The following DACH1 variants were observed in gnomAD, a reference collection of about 807,000 sequenced individuals.
DACH1 encodes the protein dachshund homolog 1.
A neutral mutation model predicts 54.2 loss-of-function variants in DACH1; 12 were observed. That is an observed-to-expected ratio of 0.22 (90% CI 0.14 to 0.36). The LOEUF is 0.36. Ranked by LOEUF, DACH1 falls within the 10% of genes least tolerant of loss-of-function variation. The pLI, the probability that DACH1 is intolerant of heterozygous loss-of-function variation, is 1.00. For synonymous variants in DACH1, 386 were observed against 366.2 expected (o/e 1.05, Z -0.62); for missense variants, 805 against 929.8 (o/e 0.87, Z 1.75).
intron 1 of DACH1, among the ~76,000 whole-genome samples, chr13:71,810,067 C>A (rs191089407): frequency 1.0e-3 from 158 of 152,200 alleles, no homozygotes; most frequent in African/African-American, 3.7e-3. Context: ...AAAGAGAAAG[C>A]TGATTTTGAA....
intron 2 of DACH1, among the ~76,000 whole-genome samples, chr13:71,677,498 G>A (rs1047866013): frequency 9.9e-5 from 15 of 152,018 alleles, no homozygotes; most frequent in Admixed American, 3.9e-4. Flanking sequence ...CTCAAAGTTT[G>A]TTGTTTTGTT....
intron 3 of DACH1, among the ~76,000 whole-genome samples, chr13:71,584,027 G>T (rs944370383): frequency 6.6e-6 from 1 of 151,982 alleles, no homozygotes; most frequent in East Asian, 1.9e-4. Context: ...CTTTTTGCCT[G>T]TTCTACCACA....
At chr13:71,485,515 A>AT (rs1029236493) in intron 7 of DACH1, among the ~76,000 whole-genome samples, 55 of 136,500 alleles carry the variant, frequency 4.0e-4, no homozygotes, top group Non-Finnish European at 7.2e-4. Flanking sequence ...TCAACATAGG[A>AT]TTTTTTTTAC....
At chr13:71,652,707 A>G (rs1878769324) in intron 2 of DACH1, among the ~76,000 whole-genome samples, 1 of 152,076 alleles carries the variant, frequency 6.6e-6, no homozygotes, top group African/African-American at 2.4e-5. Context: ...CAGATATCTC[A>G]ACTATAGCTA....
chr13:71,816,505 A>G (rs1365991124), intron 1 of DACH1, among the ~76,000 whole-genome samples: 3 of 151,244 alleles, frequency 2.0e-5, no homozygotes, highest in African/African-American at 7.3e-5. Context: ...GAATCAACCT[A>G]AATGTCCATC....
At chr13:71,550,433 A>G (rs973053865) in intron 6 of DACH1, among the ~76,000 whole-genome samples, 3 of 152,180 alleles carry the variant, frequency 2.0e-5, no homozygotes, top group Non-Finnish European at 2.9e-5. Flanking sequence ...AAGGAAAGAA[A>G]CAGAAATCAT....
chr13:71,591,904 G>T (rs1593949690), intron 3 of DACH1, among the ~76,000 whole-genome samples: 1 of 152,042 alleles, frequency 6.6e-6, no homozygotes. Flanking sequence ...TTGTATCACT[G>T]CCATGCCAAA....
At chr13:71,447,445 A>G (rs1261213370) in intron 10 of DACH1, among the ~76,000 whole-genome samples, 1 of 152,208 alleles carries the variant, frequency 6.6e-6, no homozygotes, top group Non-Finnish European at 1.5e-5. Flanking sequence ...TAATACATAT[A>G]GACAGATGTG....
At position 71,611,673 on chromosome 13, in the gene DACH1, T is replaced by C. The variant is rs537333331; in HGVS notation, c.1126+18883A>G. 3.9e-5 allele frequency among the ~76,000 whole-genome samples: 6 copies of C among 152,340 alleles called. No homozygotes were observed. In the South Asian group the frequency reaches 1.2e-3, roughly 32 times the overall value. On this transcript the variant is annotated intron_variant, in intron 3 of 10. Transcript: ENST00000613252. The stretch of plus-strand genomic sequence containing the variant: ...TGTATTGCTTCATTTATTTTTTCTA[T>C]ACCAGCAATGTAAATTTTCAGATTT...
intron 10 of DACH1, among the ~76,000 whole-genome samples, chr13:71,449,846 AG>A (rs1874857285): frequency 6.7e-6 from 1 of 148,526 alleles, no homozygotes; most frequent in African/African-American, 2.5e-5. Context: ...GAGAGAACAC[AG>A]GTTAGTTGAA....
chr13:71,764,367 C>A (rs1287609938), intron 1 of DACH1, among the ~76,000 whole-genome samples: 1 of 151,902 alleles, frequency 6.6e-6, no homozygotes, highest in Non-Finnish European at 1.5e-5. Flanking sequence ...TGAACAGCCA[C>A]TACATTCCAG....
chr13:71,705,511 A>AC (rs1323529864), intron 1 of DACH1, among the ~76,000 whole-genome samples: 1 of 152,340 alleles, frequency 6.6e-6, no homozygotes, highest in African/African-American at 2.4e-5. Context: ...CTCATCATTA[A>AC]AAAATCATTA....
At chr13:71,816,868 C>A (rs1301280739) in intron 1 of DACH1, among the ~76,000 whole-genome samples, 1 of 151,840 alleles carries the variant, frequency 6.6e-6, no homozygotes, top group Non-Finnish European at 1.5e-5. Context: ...GATGAGAACA[C>A]ATGGACACAT....
intron 6 of DACH1, among the ~76,000 whole-genome samples, chr13:71,520,542 A>C (rs1382111003): frequency 1.3e-5 from 2 of 151,436 alleles, no homozygotes; most frequent in African/African-American, 4.8e-5. Context: ...GTAAACCAAA[A>C]AATAAAATGC....
intron 10 of DACH1, among the ~76,000 whole-genome samples, chr13:71,456,720 G>A (rs896515389): frequency 1.7e-4 from 26 of 151,978 alleles, no homozygotes; most frequent in African/African-American, 6.0e-4. Flanking sequence ...TTCTTCTCAG[G>A]AAAACCTACT....
At chr13:71,464,798 A>C (rs926126977) in intron 10 of DACH1, 2 of 439,262 alleles carry the variant, frequency 4.6e-6, no homozygotes, top group Non-Finnish European at 9.0e-6. Flanking sequence ...GAGCACACAG[A>C]AATCTGTAAA....
chr13:71,550,645 A>T (rs1226210170), intron 6 of DACH1, among the ~76,000 whole-genome samples: 1 of 152,160 alleles, frequency 6.6e-6, no homozygotes. Flanking sequence ...CTCTGCTCCT[A>T]GAAATAATTC....
At chr13:71,803,129 A>G (rs929053841) in intron 1 of DACH1, among the ~76,000 whole-genome samples, 2 of 152,200 alleles carry the variant, frequency 1.3e-5, no homozygotes, top group African/African-American at 4.8e-5. Flanking sequence ...ACATCAATAA[A>G]AAGTATTTAT....
intron 3 of DACH1, among the ~76,000 whole-genome samples, chr13:71,611,694 G>T (rs1875340215): frequency 6.6e-6 from 1 of 152,102 alleles, no homozygotes. Flanking sequence ...TAAATTTTCA[G>T]ATTTAATATT....
Sources: allele counts gnomAD v4.1 joint callset (sites outside exome capture counted in the v4.1 genomes callset), GRCh38; gene constraint gnomAD v4.1.1; transcripts MANE v1.5; gene names NCBI Gene and HGNC (gene_info 2026-07-23, HGNC 2026-07-21).